Variants in CHRDL1 observed in about 807,000 individuals in gnomAD.
CHRDL1 encodes the protein chordin-like protein 1.
In CHRDL1, 19 loss-of-function variants were observed where a neutral mutation model predicts 40.9. That is an observed-to-expected ratio of 0.46 (90% CI 0.32 to 0.68). The LOEUF (loss-of-function observed/expected upper bound fraction) is 0.68, where lower values mean the gene tolerates loss of function less well. CHRDL1 is among the 30% of genes least tolerant of loss of function. CHRDL1 has a pLI of 0.03. For synonymous variants in CHRDL1, 136 were observed against 123.4 expected, an observed-to-expected ratio of 1.10 and a Z score of -0.68; for missense variants, 329 against 352.1, an observed-to-expected ratio of 0.93 and a Z score of 0.53.
intron 4 of CHRDL1, among the ~76,000 whole-genome samples, chrX:110,730,012 C>T (rs1428600199): frequency 1.8e-5 from 2 of 112,011 alleles, no homozygotes; most frequent in East Asian, 5.6e-4. Context: ...AGAAAGCAGG[C>T]TGGTAGGGAA....
intron 4 of CHRDL1, among the ~76,000 whole-genome samples, chrX:110,738,739 C>CAAA (rs773511151): frequency 3.1e-4 from 20 of 65,266 alleles, no homozygotes; most frequent in African/African-American, 9.7e-4. Flanking sequence ...GAGACTCCTT[C>CAAA]AAAAAAAAAA....
chrX:110,780,138 T>C (rs2089917352), intron 2 of CHRDL1, among the ~76,000 whole-genome samples: 1 of 111,019 alleles, frequency 9.0e-6, no homozygotes, highest in Admixed American at 9.6e-5. Context: ...ACAAAGGTAA[T>C]ACTGTTTTTT....
chrX:110,677,320 G>A (rs1225070806), intron 11 of CHRDL1, among the ~76,000 whole-genome samples: 1 of 111,528 alleles, frequency 9.0e-6, no homozygotes, highest in East Asian at 2.8e-4. Context: ...ATTTGGGCAA[G>A]GAACCAGCTA....
rs751989917 is a variant in CHRDL1, at chrX:110,713,808, G to A, written c.541+6027C>T. Among the ~76,000 whole-genome samples, 19 of 112,241 alleles carry A rather than the reference G, an allele frequency of 1.7e-4. No individual in the cohort carries two copies. In the South Asian group the frequency reaches 3.0e-3, roughly 18 times the overall value. On this transcript the variant is annotated intron_variant, in intron 6 of 11. Coordinates refer to ENST00000372042, the MANE Select transcript of CHRDL1 (RefSeq NM_001143981.2). ...TAGAACATTGTCTGGCACATTGTAC[G>A]TGCTACATTTAGACACCATTTACTA...
intron 10 of CHRDL1, among the ~76,000 whole-genome samples, chrX:110,679,705 A>G (rs1484094767): frequency 9.0e-6 from 1 of 111,656 alleles, no homozygotes; most frequent in Non-Finnish European, 1.9e-5. Context: ...GGAAAGCCAC[A>G]TGGAATCTAG....
intron 2 of CHRDL1, among the ~76,000 whole-genome samples, chrX:110,791,384 T>A (rs993266439): frequency 8.0e-5 from 9 of 111,863 alleles, no homozygotes. Context: ...ATGTCGACCG[T>A]TACTCATAAA....
Position 110,741,172 on chromosome X carries a change from A to T in CHRDL1, c.301+18489T>A, listed in dbSNP as rs779993653. ...ACACAAATCAAAAGTTGGTACCAGC[A>T]GGATTTCTCTTAGTGCTTCAGGCCC... On this transcript the variant is annotated intron_variant, in intron 4 of 11. Coordinates refer to ENST00000372042, the MANE Select transcript of CHRDL1 (RefSeq NM_001143981.2). 5.4e-5 allele frequency among the ~76,000 whole-genome samples: 6 copies of T among 112,120 alleles called. No homozygotes were observed. The East Asian group carries it at 1.7e-3, about 31-fold the overall frequency.
intron 6 of CHRDL1, among the ~76,000 whole-genome samples, chrX:110,718,047 C>T (rs908641203): frequency 7.1e-5 from 8 of 112,048 alleles, no homozygotes; most frequent in African/African-American, 2.6e-4. Context: ...AGACACTGTG[C>T]CAGGTCCTTC....
chrX:110,686,607 C>T (rs1304999051), intron 9 of CHRDL1, among the ~76,000 whole-genome samples: 57 of 110,735 alleles, frequency 5.1e-4, no homozygotes, highest in Non-Finnish European at 1.5e-4. Context: ...CTGGGTGGCC[C>T]GGATGTCCAT....
intron 6 of CHRDL1, among the ~76,000 whole-genome samples, chrX:110,710,947 C>T (rs1423535950): frequency 9.0e-6 from 1 of 111,374 alleles, no homozygotes; most frequent in East Asian, 2.8e-4. Flanking sequence ...TCCACGACCC[C>T]CCACAGATGC....
intron 2 of CHRDL1, among the ~76,000 whole-genome samples, chrX:110,773,589 G>A (rs1328410248): frequency 1.8e-5 from 2 of 109,175 alleles, no homozygotes; most frequent in African/African-American, 6.7e-5. Context: ...TTAGCTGGGC[G>A]TGGTGGCAGG....
intron 6 of CHRDL1, among the ~76,000 whole-genome samples, chrX:110,717,127 A>G (rs1273960762): frequency 8.9e-6 from 1 of 111,833 alleles, no homozygotes; most frequent in African/African-American, 3.3e-5. Context: ...TCAAAGTGAC[A>G]GTCCACAGAC....
chrX:110,771,708 T>C (rs1251419322), intron 2 of CHRDL1, among the ~76,000 whole-genome samples: 1 of 111,601 alleles, frequency 9.0e-6, no homozygotes, highest in African/African-American at 3.3e-5. Context: ...ACAAAAAACC[T>C]ATAGCTAATA....
At chrX:110,752,603 A>G in intron 4 of CHRDL1, among the ~76,000 whole-genome samples, 2 of 111,069 alleles carry the variant, frequency 1.8e-5, no homozygotes, top group Non-Finnish European at 3.8e-5. Context: ...CTATTCAGAC[A>G]CCAACATTTC....
At chrX:110,697,814 CCACACACACACACACACACACACACA>C (rs60454872) in intron 7 of CHRDL1, among the ~76,000 whole-genome samples, 2,150 of 55,114 alleles carry the variant, frequency 0.039, 88 homozygotes, top group African/African-American at 0.11. Flanking sequence ...CCACACCACT[CCACACACACACACACACACACACACA>C]CACACACACA....
At chrX:110,731,355 T>C (rs1333840496) in intron 4 of CHRDL1, among the ~76,000 whole-genome samples, 5 of 111,022 alleles carry the variant, frequency 4.5e-5, no homozygotes, top group African/African-American at 1.3e-4. Context: ...GGTGGAGAAA[T>C]TGGAACCCTT....
chrX:110,794,108 C>A (rs2090145440), intron 1 of CHRDL1, among the ~76,000 whole-genome samples: 1 of 111,735 alleles, frequency 8.9e-6, no homozygotes, highest in Non-Finnish European at 1.9e-5. Context: ...GTTCCCTCCC[C>A]AGATCTCCTC....
At chrX:110,729,530 C>G (rs1217765634) in intron 4 of CHRDL1, among the ~76,000 whole-genome samples, 1 of 111,798 alleles carries the variant, frequency 8.9e-6, no homozygotes, top group African/African-American at 3.3e-5. Context: ...GTAATTCATA[C>G]TGAAATGAAA....
intron 11 of CHRDL1, among the ~76,000 whole-genome samples, chrX:110,677,501 G>T (rs2069803814): frequency 9.0e-6 from 1 of 111,403 alleles, no homozygotes; most frequent in African/African-American, 3.3e-5. Context: ...ATCCTGCCAT[G>T]GGCACAGAGT....
Sources: gnomAD v4.1 joint callset for allele counts (sites outside exome capture counted in the v4.1 genomes callset) on GRCh38, gnomAD v4.1.1 for gene constraint, MANE v1.5 for transcripts, NCBI Gene and HGNC (gene_info 2026-07-23, HGNC 2026-07-21) for gene names.